The following NPAS3 variants were observed in gnomAD, a reference collection of about 807,000 sequenced individuals.
NPAS3 encodes neuronal PAS domain protein 3.
In NPAS3, 14 loss-of-function variants were observed where a neutral mutation model predicts 73.1. That is an observed-to-expected ratio of 0.19 (90% confidence interval 0.13 to 0.30). The LOEUF (loss-of-function observed/expected upper bound fraction) is 0.30, where lower values mean the gene tolerates loss of function less well. NPAS3 is among the 10% of genes least tolerant of loss of function. The pLI is 1.00. For missense variants in NPAS3, 1,096 were observed against 1,250.0 expected, an observed-to-expected ratio of 0.88 and a Z score of 1.86; for synonymous variants, 620 against 541.5, an observed-to-expected ratio of 1.14 and a Z score of -2.01.
At chr14:33,146,680 G>T (rs952863641) in intron 2 of NPAS3, among the ~76,000 whole-genome samples, 3 of 152,190 alleles carry the variant, frequency 2.0e-5, no homozygotes, top group Admixed American at 1.3e-4. Context: ...ATTCACCTTT[G>T]CAGTACAGTG....
intron 4 of NPAS3, among the ~76,000 whole-genome samples, chr14:33,472,969 CAGT>C (rs2050854675): frequency 6.9e-6 from 1 of 145,728 alleles, no homozygotes; most frequent in Non-Finnish European, 1.5e-5. Context: ...CCCAATCAAA[CAGT>C]AGTGGATCTA....
At chr14:33,684,187 C>T (rs1182446432) in intron 6 of NPAS3, among the ~76,000 whole-genome samples, 5 of 150,130 alleles carry the variant, frequency 3.3e-5, no homozygotes, top group Non-Finnish European at 7.4e-5. Context: ...AAGAGAGAAA[C>T]GTAACTATCC....
At chr14:33,571,688 C>T (rs1169077435) in intron 5 of NPAS3, among the ~76,000 whole-genome samples, 2 of 152,204 alleles carry the variant, frequency 1.3e-5, no homozygotes, top group Non-Finnish European at 2.9e-5. Context: ...CCTGCTAAGA[C>T]TGCTTTCAGA....
intron 6 of NPAS3, among the ~76,000 whole-genome samples, chr14:33,712,761 C>T (rs960565937): frequency 5.3e-5 from 8 of 152,150 alleles, no homozygotes; most frequent in Non-Finnish European, 1.2e-4. Flanking sequence ...ATGATACACA[C>T]TAGAACCTGA....
At chr14:33,313,045 T>G (rs1054365187) in intron 3 of NPAS3, among the ~76,000 whole-genome samples, 1 of 152,000 alleles carries the variant, frequency 6.6e-6, no homozygotes, top group African/African-American at 2.4e-5. Flanking sequence ...TGAAAATGCA[T>G]GAAGGCTCTT....
At chr14:33,141,759 GT>G (rs2044053568) in intron 2 of NPAS3, among the ~76,000 whole-genome samples, 1 of 152,094 alleles carries the variant, frequency 6.6e-6, no homozygotes, top group African/African-American at 2.4e-5. Context: ...TTGTATGAAT[GT>G]TTACATTCCT....
intron 4 of NPAS3, among the ~76,000 whole-genome samples, chr14:33,501,218 C>T (rs564956797): frequency 3.3e-5 from 5 of 151,808 alleles, no homozygotes; most frequent in East Asian, 3.9e-4. Context: ...GTTTTCTTTA[C>T]GCAGGAAAAC....
At chr14:33,480,748 A>T (rs538852182) in intron 4 of NPAS3, among the ~76,000 whole-genome samples, 2 of 152,018 alleles carry the variant, frequency 1.3e-5, no homozygotes, top group East Asian at 3.9e-4. Flanking sequence ...TCACTTTGTC[A>T]ATGTGGCAGT....
intron 3 of NPAS3, among the ~76,000 whole-genome samples, chr14:33,271,481 A>G (rs558475702): frequency 7.9e-5 from 12 of 152,254 alleles, no homozygotes; most frequent in South Asian, 4.2e-4. Flanking sequence ...ACAAGAGAGC[A>G]GGAGGTCAGA....
intron 5 of NPAS3, among the ~76,000 whole-genome samples, chr14:33,598,810 T>C (rs2057319091): frequency 6.6e-6 from 1 of 152,138 alleles, no homozygotes; most frequent in African/African-American, 2.4e-5. Context: ...TAACCATGAG[T>C]TAATGTGTGA....
At chr14:33,099,917 A>G (rs2042533774) in intron 2 of NPAS3, among the ~76,000 whole-genome samples, 1 of 152,178 alleles carries the variant, frequency 6.6e-6, no homozygotes, top group Non-Finnish European at 1.5e-5. Context: ...TAAGGTGAGA[A>G]ATAATCCACT....
At chr14:33,522,957 G>A (rs1029931979) in intron 4 of NPAS3, among the ~76,000 whole-genome samples, 5 of 151,998 alleles carry the variant, frequency 3.3e-5, no homozygotes, top group South Asian at 2.1e-4. Context: ...TACTAATTAC[G>A]TCTGATGTCT....
chr14:33,676,326 C>T, exon 6 of NPAS3: 3 of 1,608,732 alleles, frequency 1.9e-6, no homozygotes, highest in Non-Finnish European at 1.7e-6. Flanking sequence ...TCACAGGGCA[C>T]TGCTGAGGAC....
intron 3 of NPAS3, among the ~76,000 whole-genome samples, chr14:33,256,223 AATAG>A (rs1446465674): frequency 6.6e-6 from 1 of 152,224 alleles, no homozygotes; most frequent in African/African-American, 2.4e-5. Flanking sequence ...TATACTTTAT[AATAG>A]ATTTCAATCC....
At chr14:33,048,384 CA>C (rs1460818211) in intron 1 of NPAS3, among the ~76,000 whole-genome samples, 1 of 152,212 alleles carries the variant, frequency 6.6e-6, no homozygotes, top group Non-Finnish European at 1.5e-5. Flanking sequence ...CCCTTAAGGA[CA>C]AAGGGTGGGC....
At chr14:33,118,476 A>G (rs1482150570) in intron 2 of NPAS3, among the ~76,000 whole-genome samples, 2 of 152,070 alleles carry the variant, frequency 1.3e-5, no homozygotes, top group Non-Finnish European at 2.9e-5. Flanking sequence ...TTTCATGGTA[A>G]TCTTCAAAAT....
intron 3 of NPAS3, among the ~76,000 whole-genome samples, chr14:33,289,073 A>AT (rs974236567): frequency 9.9e-5 from 15 of 152,136 alleles, no homozygotes; most frequent in African/African-American, 2.2e-4. Context: ...GATACCTAAC[A>AT]TTTTTTTTAT....
intron 4 of NPAS3, among the ~76,000 whole-genome samples, chr14:33,558,989 T>C (rs1188356593): frequency 1.3e-5 from 2 of 152,130 alleles, no homozygotes; most frequent in Non-Finnish European, 1.5e-5. Context: ...ATGCACTGGA[T>C]TGCAAGAATG....
intron 7 of NPAS3, among the ~76,000 whole-genome samples, chr14:33,737,177 AGT>A (rs938237644): frequency 7.2e-5 from 11 of 152,206 alleles, no homozygotes; most frequent in African/African-American, 2.7e-4. Context: ...TAGCAAAGAA[AGT>A]GTGAGGGGGT....
Sources: allele counts gnomAD v4.1 joint callset (sites outside exome capture counted in the v4.1 genomes callset), GRCh38; gene constraint gnomAD v4.1.1; transcripts MANE v1.5; gene names NCBI Gene and HGNC (gene_info 2026-07-23, HGNC 2026-07-21).